Variants in SRPK2 observed in about 807,000 individuals in gnomAD.
The protein encoded by SRPK2 is SRSF protein kinase 2.
A neutral mutation model predicts 90.8 loss-of-function variants in SRPK2; 21 were observed. The observed-to-expected ratio is 0.23, with a 90% CI of 0.16 to 0.33. The LOEUF is 0.33. Ranked by LOEUF, SRPK2 falls within the 10% of genes least tolerant of loss-of-function variation. The pLI is 1.00. For missense variants in SRPK2, 620 were observed against 869.0 expected, an observed-to-expected ratio of 0.71 and a Z score of 3.60; for synonymous variants, 288 against 311.1, an observed-to-expected ratio of 0.93 and a Z score of 0.78.
chr7:105,229,326 T>C (rs1470080844), intron 2 of SRPK2, among the ~76,000 whole-genome samples: 1 of 152,054 alleles, frequency 6.6e-6, no homozygotes, highest in Non-Finnish European at 1.5e-5. Context: ...TAGCCGGGCA[T>C]AGCGGCGGGC....
At chr7:105,335,209 T>C (rs1448066898) in intron 2 of SRPK2, among the ~76,000 whole-genome samples, 1 of 152,130 alleles carries the variant, frequency 6.6e-6, no homozygotes, top group Non-Finnish European at 1.5e-5. Flanking sequence ...TATCAAATAA[T>C]TATTAAACTT....
chr7:105,190,800 A>C (rs1473172731), intron 3 of SRPK2, among the ~76,000 whole-genome samples: 1 of 152,148 alleles, frequency 6.6e-6, no homozygotes, highest in East Asian at 1.9e-4. Context: ...TGATTCTCCG[A>C]TTCATATTTC....
At chr7:105,269,025 G>A (rs1805477836) in intron 2 of SRPK2, 1 of 1,324,858 alleles carries the variant, frequency 7.5e-7, no homozygotes, top group East Asian at 2.7e-5. Context: ...GTGCTATAAA[G>A]GGAAAAAGCT....
intron 3 of SRPK2, among the ~76,000 whole-genome samples, chr7:105,184,649 T>C (rs193290910): frequency 6.6e-6 from 1 of 152,330 alleles, no homozygotes; most frequent in East Asian, 1.9e-4. Context: ...AGTGCTTAAA[T>C]GTATATAACA....
At chr7:105,190,523 T>C (rs1471348751) in intron 3 of SRPK2, among the ~76,000 whole-genome samples, 5 of 152,220 alleles carry the variant, frequency 3.3e-5, no homozygotes, top group Admixed American at 6.5e-5. Flanking sequence ...CTTACCATTA[T>C]ATGATCTGTT....
At chr7:105,245,339 G>A in intron 2 of SRPK2, among the ~76,000 whole-genome samples, 1 of 152,162 alleles carries the variant, frequency 6.6e-6, no homozygotes, top group East Asian at 1.9e-4. Flanking sequence ...TCTCAGTGAG[G>A]TCCAGGCAGA....
chr7:105,255,475 T>C (rs925480887), intron 2 of SRPK2, among the ~76,000 whole-genome samples: 2 of 151,988 alleles, frequency 1.3e-5, no homozygotes, highest in Non-Finnish European at 2.9e-5. Context: ...AAAAGACAGA[T>C]GGAAAAGAAG....
chr7:105,168,990 T>G (rs527893388), intron 4 of SRPK2, among the ~76,000 whole-genome samples, 167 bp downstream of exon 4: 1 of 152,236 alleles, frequency 6.6e-6, no homozygotes, highest in African/African-American at 2.4e-5. Flanking sequence ...CAAATGAACT[T>G]CAAACTAAGG....
At chr7:105,194,311 G>A (rs1041602176) in intron 3 of SRPK2, among the ~76,000 whole-genome samples, 1 of 151,978 alleles carries the variant, frequency 6.6e-6, no homozygotes, top group South Asian at 2.1e-4. Flanking sequence ...CAAGACAAGG[G>A]AGATGTCTAT....
intron 2 of SRPK2, among the ~76,000 whole-genome samples, chr7:105,369,951 C>G (rs566390436): frequency 6.6e-6 from 1 of 152,158 alleles, no homozygotes; most frequent in Admixed American, 6.6e-5. Flanking sequence ...CGCTTGAACC[C>G]GGGAAGCAGA....
chr7:105,367,386 C>G (rs1241880691), intron 2 of SRPK2, among the ~76,000 whole-genome samples: 1 of 152,144 alleles, frequency 6.6e-6, no homozygotes, highest in Non-Finnish European at 1.5e-5. Flanking sequence ...CCTCAGCCTC[C>G]TGAGTAGCTG....
chr7:105,242,767 A>G (rs1216581061), intron 2 of SRPK2, among the ~76,000 whole-genome samples: 1 of 152,124 alleles, frequency 6.6e-6, no homozygotes, highest in Non-Finnish European at 1.5e-5. Context: ...ACTGATCCAA[A>G]AGAGCCAATG....
intron 2 of SRPK2, among the ~76,000 whole-genome samples, chr7:105,358,655 T>C (rs1218705121): frequency 1.3e-5 from 2 of 151,476 alleles, no homozygotes; most frequent in East Asian, 1.9e-4. Flanking sequence ...CACTGCACTC[T>C]AGCCTGGGCA....
Position 105,142,427 on chromosome 7 carries a change from T to G in SRPK2, c.1124A>C (p.Asp375Ala), listed in dbSNP as rs1487951931. ...GTTCGCAAGTTCCTGATCTACATCA[T>G]CTTCATCTTTTTCAATGTTTTCTTT... Reference protein sequence around the residue: ...AEKENIEKDEDDVDQELANID... With the variant: ...AEKENIEKDEADVDQELANID... The change falls in exon 11 of 16, where the codon GAT (aspartate) becomes GCT (alanine). Residue 375 changes from aspartate to alanine, a missense_variant. This residue lies in a region of SRPK2 where 243 missense variants were observed against 245.7 expected (regional missense o/e 0.99). Transcript: ENST00000393651. 1.2e-6 allele frequency: 2 copies of G among 1,613,562 alleles called. No individual in the cohort carries two copies. The highest frequency in any genetic ancestry group is 1.7e-5 in the Admixed American group (1 of 59,938).
chr7:105,169,486 G>A (rs933628866), intron 3 of SRPK2, among the ~76,000 whole-genome samples: 1 of 152,130 alleles, frequency 6.6e-6, no homozygotes, highest in Non-Finnish European at 1.5e-5. Context: ...CAGCACTTTG[G>A]GAGGCCAAGG....
At chr7:105,205,928 A>AAC (rs139433699) in intron 2 of SRPK2, 200,943 of 483,420 alleles carry the variant, frequency 0.42, 30,093 homozygotes, top group Middle Eastern at 0.5. Context: ...ATTCTCTGAA[A>AAC]ACACACACAC....
chr7:105,174,002 T>C (rs1356622042), intron 3 of SRPK2, among the ~76,000 whole-genome samples: 1 of 150,410 alleles, frequency 6.6e-6, no homozygotes, highest in African/African-American at 2.4e-5. Context: ...CCTAGCACTT[T>C]GGAAGGCTGA....
intron 2 of SRPK2, among the ~76,000 whole-genome samples, chr7:105,315,112 T>C (rs1344867364): frequency 6.6e-6 from 1 of 152,158 alleles, no homozygotes; most frequent in Non-Finnish European, 1.5e-5. Context: ...CCCACCTCTA[T>C]TTTTAAAAAA....
intron 7 of SRPK2, among the ~76,000 whole-genome samples, chr7:105,153,141 G>A (rs940614125): frequency 5.9e-5 from 9 of 152,130 alleles, no homozygotes; most frequent in Non-Finnish European, 7.3e-5. Flanking sequence ...AGCCAGGGAC[G>A]TGACTCTCAA....
Sources: gnomAD v4.1 joint callset for allele counts (sites outside exome capture counted in the v4.1 genomes callset) on GRCh38, gnomAD v4.1.1 for gene constraint, gnomAD v4.1.1 regional missense constraint, MANE v1.5 for transcripts, NCBI Gene and HGNC (gene_info 2026-07-23, HGNC 2026-07-21) for gene names.